Variants in CLCN2 observed in about 807,000 individuals in gnomAD.
The protein encoded by CLCN2 is chloride channel protein 2.
Under a neutral mutation model 108.3 loss-of-function variants are expected in CLCN2, and 72 were observed. That is an observed-to-expected ratio of 0.66 (90% CI 0.55 to 0.81). The LOEUF (loss-of-function observed/expected upper bound fraction) is 0.81, where lower values mean the gene tolerates loss of function less well. CLCN2 is among the 30% of genes least tolerant of loss of function. CLCN2 has a pLI of 0.00. For synonymous variants in CLCN2, 471 were observed against 467.1 expected (o/e 1.01, Z -0.11); for missense variants, 1,048 against 1,205.2 (o/e 0.87, Z 1.93).
At position 184,358,714 on chromosome 3, in the gene CLCN2, A is replaced by C. The variant is rs774565001; in HGVS notation, c.320T>G (p.Val107Gly). Residue 107 changes from valine (V) to glycine (G), a missense_variant, in exon 3 of 24, where the codon GTC becomes GGC. Coordinates refer to ENST00000265593, the MANE Select transcript of CLCN2 (RefSeq NM_004366.6). ...ACAGGCAGCAATGGCATAGTCCATG[A>C]CCCAGCTGACCAATGCCATGAGAAG... is the stretch of plus-strand genomic sequence containing the variant. ...LGLLMALVSW[V>G]MDYAIAACLQ... 6.3e-7 allele frequency: 1 copy of C among 1,588,422 alleles called. No individual in the cohort carries two copies.
At position 184,353,127 on chromosome 3, in the gene CLCN2, G is replaced by A; in HGVS notation, c.2049C>T (p.Ala683=). ...VCFQVNTEDS[A]FPAARGETHK... ...GGGTCTCCCCCCGGGCTGCTGGGAAGGCTGAGTCTTCTGTGTTCACCTGCA... is the reference window on the plus strand; with the variant it reads ...GGGTCTCCCCCCGGGCTGCTGGGAAAGCTGAGTCTTCTGTGTTCACCTGCA... Residue 683 remains alanine, a synonymous_variant, in exon 18 of 24, where the codon GCC becomes GCT. Coordinates refer to ENST00000265593, the MANE Select transcript of CLCN2 (RefSeq NM_004366.6). The A allele has an allele frequency of 6.2e-7, 1 of 1,614,204 alleles. No homozygotes were observed. Among genetic ancestry groups the A allele is most frequent in the South Asian group, 1.1e-5 (1 of 91,090 alleles).
In CLCN2 at chr3:184,361,334, G is replaced by A; in HGVS notation, c.63+83C>T. On this transcript the variant is annotated intron_variant, in intron 1 of 23. Coordinates refer to ENST00000265593, the MANE Select transcript of CLCN2 (RefSeq NM_004366.6). This position sits in a 1 kb window ranked among gnomAD's most constrained non-coding sequence, Gnocchi z 6.6. ...AAATGCTAGGACAGGATTAGGGTAG[G>A]CCCCTGGTCCTCGCGCTTCCCAGGG... 2 of 1,377,098 alleles carry A rather than the reference G, an allele frequency of 1.5e-6. No individual in the cohort carries two copies. Among genetic ancestry groups the A allele is most frequent in the South Asian group, 1.2e-5 (1 of 86,430 alleles). 85.3% of individuals were successfully genotyped at this position (1,377,098 alleles called of 1,614,324 possible). A position where few individuals can be genotyped will look rare whatever the true frequency, so the allele number is the denominator to read the frequency against.
chr3:184,357,772 C>T lies in CLCN2; in HGVS notation c.693+7G>A, dbSNP rs1383784432. On this transcript the variant is annotated splice_region_variant and intron_variant, in intron 6 of 23. Transcript: ENST00000265593. ...CTGCCCCCTACTTGCCCCAGGGTTC[C>T]CCTTACCTCATAGATACCCCCAAAG... 1.2e-6 allele frequency: 2 copies of T among 1,613,832 alleles called. No individual in the cohort carries two copies. The highest frequency in any genetic ancestry group is 2.7e-5 in the African/African-American group (2 of 74,934).
Position 184,355,013 on chromosome 3 carries a change from C to G in CLCN2, c.1327-40G>C, listed in dbSNP as rs1450401553. ...TGGTTCAAAGGCGAAGAGGCTCCACCTGGCCCCAGGCAGCCCACAGCGCCA... is the reference window on the plus strand; with the variant it reads ...TGGTTCAAAGGCGAAGAGGCTCCACGTGGCCCCAGGCAGCCCACAGCGCCA... On this transcript the variant is annotated intron_variant, in intron 12 of 23. Coordinates refer to ENST00000265593, the MANE Select transcript of CLCN2 (RefSeq NM_004366.6). The surrounding 1 kb of genome is among the most constrained non-coding windows in gnomAD (Gnocchi z 6.3). 2 of 1,594,908 alleles carry G rather than the reference C, an allele frequency of 1.3e-6. No individual in the cohort carries two copies. Among genetic ancestry groups the G allele is most frequent in the South Asian group, 1.1e-5 (1 of 90,650 alleles).
In CLCN2 at chr3:184,357,652, C is replaced by A. The variant is rs1553856477; in HGVS notation, c.740G>T (p.Gly247Val). ...TEMLAAACAV[G>V]VGCCFAAPIG... is the part of the protein sequence containing the mutation. ...AGGTGCCGCGAAGCAGCAGCCCACCCCCACGGCACAGGCGGCAGCCAGCAT... is the reference window on the plus strand; with the variant it reads ...AGGTGCCGCGAAGCAGCAGCCCACCACCACGGCACAGGCGGCAGCCAGCAT... The change falls in exon 7 of 24, where the codon GGG becomes GTG. Residue 247 changes from glycine to valine, a missense_variant. Gly to Val is a moderately radical substitution (Grantham distance 109). Transcript: ENST00000265593. 6.2e-7 allele frequency: 1 copy of A among 1,614,006 alleles called. No individual in the cohort carries two copies. Among genetic ancestry groups the A allele is most frequent in the Non-Finnish European group, 8.5e-7 (1 of 1,180,040 alleles).
rs1055955389 is a variant in CLCN2 at position 184,359,193 on chromosome 3, G to A, written c.64-62C>T. ...TGGGCTGAGTGGGAACGCAGGGAGA[G>A]TTCTTAGAGCCTCCACTCCTCTTCT... On this transcript the variant is annotated intron_variant, in intron 1 of 23. Transcript: ENST00000265593. The A allele has an allele frequency of 5.0e-6, 8 of 1,586,434 alleles. No individual in the cohort carries two copies. The South Asian group carries it at 7.7e-5, about 15-fold the overall frequency.
At chr3:184,354,355 C>G in intron 14 of CLCN2, 41 bp from the exon 15 acceptor site, 1 of 1,591,252 alleles carries the variant, frequency 6.3e-7, no homozygotes, top group Non-Finnish European at 8.6e-7. Flanking sequence ...GTGCCCAGGT[C>G]CCAGAAGACC....
chr3:184,358,037 G>A lies in CLCN2; in HGVS notation c.540C>T (p.Leu180=), dbSNP rs1711531103. The change falls in exon 5 of 24, where the codon CTC becomes CTT. Residue 180 remains leucine (L), a synonymous_variant. Coordinates refer to ENST00000265593, the MANE Select transcript of CLCN2 (RefSeq NM_004366.6). ...CCTTAGCTATAAAGGTCTTGAGTGT[G>A]AGGTATTCTTTCAGCACCACTCCCC... The part of the protein sequence containing the change: ...ILRGVVLKEY[L]TLKTFIAKVI... 1 of 1,614,130 alleles carries A rather than the reference G, an allele frequency of 6.2e-7. No homozygotes were observed. The highest frequency in any genetic ancestry group is 1.3e-5 in the African/African-American group (1 of 75,068).
chr3:184,347,092 C>T (rs1727734022), intron 22 of CLCN2, 71 bp from the exon 23 acceptor site: 1 of 1,338,162 alleles, frequency 7.5e-7, no homozygotes, highest in Non-Finnish European at 1.1e-6. Context: ...GCCACAGGGG[C>T]CCAGGACAAG....
chr3:184,352,145 G>A (rs753378575), intron 21 of CLCN2, 28 bp from the exon 22 acceptor site: 5 of 1,602,576 alleles, frequency 3.1e-6, no homozygotes, highest in Non-Finnish European at 4.3e-6. Flanking sequence ...TGAGGTTTAG[G>A]GAGAAGGTGC....
At chr3:184,356,962 G>C in intron 10 of CLCN2, 31 bp downstream of exon 10, 1 of 1,538,038 alleles carries the variant, frequency 6.5e-7, no homozygotes, top group Non-Finnish European at 9.0e-7. Flanking sequence ...ACAACTCAAA[G>C]CAGCCTGGAG....
intron 22 of CLCN2, among the ~76,000 whole-genome samples, chr3:184,350,344 C>G (rs752104363): frequency 2.6e-5 from 4 of 152,222 alleles, no homozygotes; most frequent in South Asian, 4.1e-4. Context: ...GTGACCTCCT[C>G]GCTGCATGCC....
intron 14 of CLCN2, 79 bp from the exon 15 acceptor site, chr3:184,354,393 G>A: frequency 7.0e-7 from 1 of 1,438,640 alleles, no homozygotes; most frequent in South Asian, 1.2e-5. Flanking sequence ...GTCCTGAGTG[G>A]GTCCCTCAGG....
Position 184,352,944 on chromosome 3 carries a change from A to G in CLCN2, c.2143+89T>C, listed in dbSNP as rs1027219454. On this transcript the variant is annotated intron_variant, in intron 18 of 23. Coordinates refer to ENST00000265593, the MANE Select transcript of CLCN2 (RefSeq NM_004366.6). ...ATGTGGGCAGCCTCTTCCAGCTGGG[A>G]TGTACCCCAGCAACAGGGCTGGGCA... 4 of 1,518,410 alleles carry G rather than the reference A, an allele frequency of 2.6e-6. No individual in the cohort carries two copies. In the African/African-American group the frequency reaches 5.5e-5, roughly 21 times the overall value. 94.1% of individuals were successfully genotyped at this position (1,518,410 alleles called of 1,614,324 possible).
intron 22 of CLCN2, among the ~76,000 whole-genome samples, chr3:184,351,388 C>T (rs910446585): frequency 3.9e-5 from 6 of 152,172 alleles, no homozygotes; most frequent in African/African-American, 9.7e-5. Context: ...GGGTCTGCCT[C>T]GCCCACCCCA....
chr3:184,357,251 A>G lies in CLCN2; in HGVS notation c.914T>C (p.Leu305Pro). 1 of 1,613,980 alleles carries G rather than the reference A, an allele frequency of 6.2e-7. No homozygotes were observed. Among genetic ancestry groups the G allele is most frequent in the Non-Finnish European group, 8.5e-7 (1 of 1,180,028 alleles). ...GTCGAGCCGGAATCGGGTTTTGAAG[A>G]GGGCTGTAATAGTCTCTAAAGGGAA... Reference protein sequence around the residue: ...WNRDEETITALFKTRFRLDFP... With the variant: ...WNRDEETITAPFKTRFRLDFP... The change falls in exon 9 of 24, where the codon CTC (leucine) becomes CCC (proline). Residue 305 changes from leucine (L) to proline (P), a missense_variant. Transcript: ENST00000265593.
chr3:184,358,552 G>A (rs964543452), intron 3 of CLCN2, 130 bp downstream of exon 3: 3 of 1,291,416 alleles, frequency 2.3e-6, no homozygotes, highest in Non-Finnish European at 3.3e-6. Context: ...CTGAATCTGG[G>A]CAGTCAGACT....
intron 14 of CLCN2, 21 bp downstream of exon 14, chr3:184,354,527 G>T: frequency 6.3e-7 from 1 of 1,597,034 alleles, no homozygotes; most frequent in Non-Finnish European, 8.6e-7. Context: ...TCCCAAGGCC[G>T]ATGGGACCTG....
rs755629585 is a variant in CLCN2, at chr3:184,357,800, G to A, written c.672C>T (p.Ser224=). 29 of 1,613,686 alleles carry A rather than the reference G, an allele frequency of 1.8e-5. No individual in the cohort carries two copies. The Admixed American group carries it at 4.7e-4, about 26-fold the overall frequency. Residue 224 remains serine, a synonymous_variant, in exon 6 of 24, where the codon TCC becomes TCT. Transcript: ENST00000265593. ...TTACCTCATAGATACCCCCAAAGAG[G>A]GAGAGGAACTTGCTGAGAAGGGCAG... The part of the protein sequence containing the change: ...MCAALLSKFL[S]LFGGIYENES...
Sources: gnomAD v4.1 joint callset for allele counts (sites outside exome capture counted in the v4.1 genomes callset) on GRCh38, gnomAD v4.1.1 for gene constraint, Gnocchi (gnomAD v3.1) non-coding constraint, MANE v1.5 for transcripts, NCBI Gene and HGNC (gene_info 2026-07-23, HGNC 2026-07-21) for gene names.